The following OSBPL6 variants were observed in gnomAD, a reference collection of about 807,000 sequenced individuals.
The protein encoded by OSBPL6 is oxysterol binding protein like 6.
A neutral mutation model predicts 125.8 loss-of-function variants in OSBPL6; 49 were observed. The ratio of observed to expected loss-of-function variants is 0.39; its 90% CI spans 0.31 to 0.49. The LOEUF is 0.49. OSBPL6 is among the 20% of genes least tolerant of loss of function. The probability of loss-of-function intolerance (pLI) is 0.88; values close to 1 mark genes in which losing one functional copy is unlikely to be tolerated. For missense variants in OSBPL6, 986 were observed against 1,135.4 expected, an observed-to-expected ratio of 0.87 and a Z score of 1.89; for synonymous variants, 394 against 391.8, an observed-to-expected ratio of 1.01 and a Z score of -0.07.
chr2:178,338,042 A>G (rs1413920203), intron 9 of OSBPL6, among the ~76,000 whole-genome samples: 2 of 149,702 alleles, frequency 1.3e-5, no homozygotes, highest in Non-Finnish European at 3.0e-5. Flanking sequence ...CCCTGGTTCA[A>G]GAGATTCTTC....
intron 3 of OSBPL6, among the ~76,000 whole-genome samples, chr2:178,307,061 G>A (rs1444406389): frequency 6.6e-6 from 1 of 152,054 alleles, no homozygotes. Context: ...CCAATAAGTA[G>A]GTGTTATTAC....
intron 23 of OSBPL6, 121 bp downstream of exon 23, chr2:178,392,659 C>A: frequency 1.6e-6 from 2 of 1,271,648 alleles, no homozygotes; most frequent in Non-Finnish European, 1.1e-6. Flanking sequence ...AATTCAAGAC[C>A]AGCCTGGACA....
intron 1 of OSBPL6, among the ~76,000 whole-genome samples, chr2:178,229,448 T>A (rs867556004): frequency 7.2e-5 from 11 of 152,204 alleles, no homozygotes; most frequent in Non-Finnish European, 4.4e-5. Flanking sequence ...AAAGCAGGTC[T>A]AGATCATTAG....
At chr2:178,336,503 A>G (rs533653702) in intron 9 of OSBPL6, 70 bp downstream of exon 9, 79 of 1,547,034 alleles carry the variant, frequency 5.1e-5, no homozygotes, top group South Asian at 2.2e-4. Flanking sequence ...GAAGAGGTCA[A>G]TTATGAGTGC....
intron 3 of OSBPL6, among the ~76,000 whole-genome samples, chr2:178,315,012 C>T (rs1473463306): frequency 6.6e-6 from 1 of 152,176 alleles, no homozygotes; most frequent in Non-Finnish European, 1.5e-5. Context: ...TTTTCACATC[C>T]TTGATGGCTT....
At chr2:178,385,369 A>G in intron 18 of OSBPL6, 89 bp from the exon 19 acceptor site, 2 of 918,588 alleles carry the variant, frequency 2.2e-6, no homozygotes, top group Non-Finnish European at 3.4e-6. Flanking sequence ...ATTTACTTAT[A>G]CATTTTGAGA....
chr2:178,203,786 G>T (rs538298844), intron 1 of OSBPL6, among the ~76,000 whole-genome samples: 1 of 152,272 alleles, frequency 6.6e-6, no homozygotes, highest in African/African-American at 2.4e-5. Context: ...ACCAGATAGT[G>T]CTCAATTTAA....
chr2:178,243,920 G>A (rs12993972), intron 1 of OSBPL6, among the ~76,000 whole-genome samples: 9,094 of 152,236 alleles, frequency 0.06, 414 homozygotes, highest in Non-Finnish European at 0.092. Context: ...CAAAGTGTTG[G>A]GATTACAGGC....
intron 1 of OSBPL6, among the ~76,000 whole-genome samples, chr2:178,244,604 C>G (rs1351446248): frequency 6.6e-6 from 1 of 152,134 alleles, no homozygotes; most frequent in Non-Finnish European, 1.5e-5. Flanking sequence ...TAGTAGGTAG[C>G]CTTCTCAACT....
At chr2:178,253,830 A>C (rs573641884) in intron 1 of OSBPL6, among the ~76,000 whole-genome samples, 3 of 152,310 alleles carry the variant, frequency 2.0e-5, no homozygotes, top group Admixed American at 2.0e-4. Flanking sequence ...TTAATCCCCA[A>C]TGTGGCAGTA....
At chr2:178,220,197 A>G (rs1290800954) in intron 1 of OSBPL6, among the ~76,000 whole-genome samples, 2 of 152,164 alleles carry the variant, frequency 1.3e-5, no homozygotes, top group Non-Finnish European at 2.9e-5. Context: ...ATCGAGTTCC[A>G]TTTTGCTGAT....
Position 178,306,259 on chromosome 2 carries a change from A to G in OSBPL6, c.75A>G (p.Ser25=). 6.2e-7 allele frequency: 1 copy of G among 1,613,444 alleles called. No homozygotes were observed. Among genetic ancestry groups the G allele is most frequent in the Non-Finnish European group, 8.5e-7 (1 of 1,179,400 alleles). ...STPTHRSASS[S]TSSQRDSRQS... is the part of the protein sequence containing the mutation. ...CAACCCATAGAAGTGCCTCCTCTTC[A>G]ACATCCTCCCAAAGGGACAGTAGGC... is the stretch of plus-strand genomic sequence containing the variant. The change falls in exon 3 of 25, where the codon TCA becomes TCG. Residue 25 remains serine (S), a synonymous_variant. Coordinates refer to ENST00000190611, the MANE Select transcript of OSBPL6 (RefSeq NM_032523.4).
chr2:178,238,883 G>A (rs2091169892), intron 1 of OSBPL6, among the ~76,000 whole-genome samples: 1 of 152,124 alleles, frequency 6.6e-6, no homozygotes, highest in African/African-American at 2.4e-5. Context: ...CCTCTGCTGT[G>A]TGCTTTTTCA....
chr2:178,349,657 A>G (rs896861242), intron 12 of OSBPL6, among the ~76,000 whole-genome samples: 7 of 152,190 alleles, frequency 4.6e-5, no homozygotes, highest in Non-Finnish European at 1.0e-4. Flanking sequence ...GCAAGATACT[A>G]CTACTCAACA....
chr2:178,321,357 A>G (rs1429934661), intron 3 of OSBPL6, among the ~76,000 whole-genome samples: 2 of 152,156 alleles, frequency 1.3e-5, no homozygotes, highest in East Asian at 1.9e-4. Flanking sequence ...GGAGCACTCA[A>G]TCTAGCTAGA....
chr2:178,276,315 T>C (rs1342286512), intron 1 of OSBPL6, among the ~76,000 whole-genome samples: 2 of 152,100 alleles, frequency 1.3e-5, no homozygotes, highest in Non-Finnish European at 2.9e-5. Flanking sequence ...CCTGAAATGA[T>C]TTCGTGAGTC....
At chr2:178,387,771 G>A (rs1228898567) in intron 20 of OSBPL6, among the ~76,000 whole-genome samples, 1 of 152,214 alleles carries the variant, frequency 6.6e-6, no homozygotes, top group Non-Finnish European at 1.5e-5. Context: ...TTGGGAGGCT[G>A]AGGCGGGCGG....
chr2:178,236,389 C>A (rs748668646), intron 1 of OSBPL6, among the ~76,000 whole-genome samples: 1 of 152,148 alleles, frequency 6.6e-6, no homozygotes, highest in Non-Finnish European at 1.5e-5. Context: ...TCACAATGTC[C>A]ATCCTGTAAT....
intron 1 of OSBPL6, among the ~76,000 whole-genome samples, chr2:178,228,621 A>G (rs904390645): frequency 2.0e-5 from 3 of 152,234 alleles, no homozygotes. Context: ...GAAACAAGTG[A>G]AATTAGTTTT....
Sources: gnomAD v4.1 joint callset for allele counts (sites outside exome capture counted in the v4.1 genomes callset) on GRCh38, gnomAD v4.1.1 for gene constraint, MANE v1.5 for transcripts, NCBI Gene and HGNC (gene_info 2026-07-23, HGNC 2026-07-21) for gene names.